Variants in LRP1B observed in about 807,000 individuals in gnomAD.
LRP1B encodes low-density lipoprotein receptor-related protein 1B.
In LRP1B, 217 loss-of-function variants were observed where a neutral mutation model predicts 556.6. That is an observed-to-expected ratio of 0.39 (90% confidence interval 0.35 to 0.44). The LOEUF (loss-of-function observed/expected upper bound fraction) is 0.44, where lower values mean the gene tolerates loss of function less well. LRP1B is among the 20% of genes least tolerant of loss of function. LRP1B has a pLI of 1.00. For missense variants in LRP1B, 5,053 were observed against 5,620.8 expected (o/e 0.90, Z 3.23); for synonymous variants, 2,047 against 1,865.8 (o/e 1.10, Z -2.50).
chr2:140,925,850 TAGC>T (rs1694868129), intron 20 of LRP1B, among the ~76,000 whole-genome samples: 2 of 152,116 alleles, frequency 1.3e-5, no homozygotes, highest in Admixed American at 6.6e-5. Flanking sequence ...TCAATTACAT[TAGC>T]ACCTTCCTTT....
chr2:141,213,637 AT>A (rs1237362788), intron 6 of LRP1B, among the ~76,000 whole-genome samples: 1 of 152,216 alleles, frequency 6.6e-6, no homozygotes, highest in African/African-American at 2.4e-5. Context: ...CATCAACACT[AT>A]AATGAAACAT....
At chr2:141,821,085 A>T (rs955139999) in intron 1 of LRP1B, among the ~76,000 whole-genome samples, 1 of 152,206 alleles carries the variant, frequency 6.6e-6, no homozygotes, top group Non-Finnish European at 1.5e-5. Context: ...GCCAAGCATC[A>T]AGGAATGTAG....
At chr2:141,886,604 C>T (rs1243510319) in intron 1 of LRP1B, among the ~76,000 whole-genome samples, 1 of 152,086 alleles carries the variant, frequency 6.6e-6, no homozygotes, top group South Asian at 2.1e-4. Context: ...GGAATTCAGG[C>T]CAATTAGGGA....
chr2:140,747,243 C>T (rs1431861583), intron 35 of LRP1B, among the ~76,000 whole-genome samples: 1 of 152,138 alleles, frequency 6.6e-6, no homozygotes, highest in Non-Finnish European at 1.5e-5. Flanking sequence ...GGAAAGAATG[C>T]TGGGAAATGT....
rs1399653108 is a variant in LRP1B at position 140,373,044 on chromosome 2, A to G, written c.10732T>C (p.Cys3578Arg). The part of the protein sequence containing the change: ...AKWKCDGHED[C>R]KYGEDEKSCE... ...CTTTTCTCATCTTCCCCATATTTGC[A>G]GTCTTCATGGCCATCACATTTCCAT... The change falls in exon 69 of 91, where the codon TGC (cysteine) becomes CGC (arginine). Residue 3578 changes from cysteine (C) to arginine (R), a missense_variant. Physicochemically the swap from Cys to Arg is radical, Grantham distance 180. Coordinates refer to ENST00000389484, the MANE Select transcript of LRP1B (RefSeq NM_018557.3). 1 of 1,613,518 alleles carries G rather than the reference A, an allele frequency of 6.2e-7. No homozygotes were observed. Among genetic ancestry groups the G allele is most frequent in the Non-Finnish European group, 8.5e-7 (1 of 1,179,662 alleles).
chr2:140,264,416 A>T (rs1390347274), intron 86 of LRP1B, among the ~76,000 whole-genome samples: 1 of 151,998 alleles, frequency 6.6e-6, no homozygotes, highest in East Asian at 1.9e-4. Context: ...TTTAGTGGGG[A>T]TGGGGTTTCA....
intron 41 of LRP1B, among the ~76,000 whole-genome samples, chr2:140,697,935 T>G (rs891788169): frequency 3.3e-5 from 5 of 152,118 alleles, no homozygotes; most frequent in Non-Finnish European, 7.4e-5. Context: ...AAATGTTATT[T>G]TATATATGTG....
Position 140,456,612 on chromosome 2 carries a change from A to G in LRP1B, c.9815-9T>C, listed in dbSNP as rs1294452898. ...GCAGAGATGTTTGGAGACTAAAGAT[A>G]AGAAAGAAACAACAACAACAAAACA... On this transcript the variant is annotated splice_polypyrimidine_tract_variant and intron_variant, in intron 61 of 90. Coordinates refer to ENST00000389484, the MANE Select transcript of LRP1B (RefSeq NM_018557.3). 2 of 1,604,716 alleles carry G rather than the reference A, an allele frequency of 1.2e-6. No homozygotes were observed. The highest frequency in any genetic ancestry group is 1.1e-5 in the South Asian group (1 of 89,628).
intron 52 of LRP1B, among the ~76,000 whole-genome samples, chr2:140,508,486 A>G (rs991734695): frequency 2.8e-4 from 43 of 152,324 alleles, no homozygotes; most frequent in African/African-American, 9.6e-4. Flanking sequence ...TAGGTAACAC[A>G]TAAGGGTTTT....
At chr2:142,107,310 T>G (rs1706779730) in intron 1 of LRP1B, among the ~76,000 whole-genome samples, 1 of 152,164 alleles carries the variant, frequency 6.6e-6, no homozygotes. Flanking sequence ...TCATAAGGGT[T>G]CTGCCCTCGT....
At chr2:142,047,078 G>A (rs1024955226) in intron 1 of LRP1B, among the ~76,000 whole-genome samples, 4 of 151,966 alleles carry the variant, frequency 2.6e-5, no homozygotes, top group Non-Finnish European at 5.9e-5. Context: ...ATCAAGCTTT[G>A]TATGGAGATG....
chr2:142,033,185 G>A (rs922992632), intron 1 of LRP1B, among the ~76,000 whole-genome samples: 1 of 151,656 alleles, frequency 6.6e-6, no homozygotes, highest in African/African-American at 2.4e-5. Flanking sequence ...CCTATAATTA[G>A]GAATTGAATT....
At chr2:141,055,616 C>T (rs933592272) in intron 9 of LRP1B, among the ~76,000 whole-genome samples, 1 of 151,746 alleles carries the variant, frequency 6.6e-6, no homozygotes, top group African/African-American at 2.4e-5. Flanking sequence ...TACAAAGATC[C>T]ACAAAAATAA....
rs1691475839 is a variant in LRP1B at position 141,690,401 on chromosome 2, ATATATATATATATATAT to A, written c.205+119861_205+119877del. 3.4e-4 allele frequency among the ~76,000 whole-genome samples: 37 copies of A among 107,524 alleles called. 1 individual carries two copies. Among genetic ancestry groups the A allele is most frequent in the South Asian group, 6.5e-4 (2 of 3,096 alleles). The allele number at this position is 107,524 out of a possible 152,430, so 70.5% of individuals were successfully genotyped here. A position where few individuals can be genotyped will look rare whatever the true frequency, so the allele number is the denominator to read the frequency against. ...GAAAAGGGATTACATCTATAAATATATATATATATATATATATATATATATATATATATATATATAAT... is the reference window on the plus strand; with the variant it reads ...GAAAAGGGATTACATCTATAAATATAATATATATATATATATATATATAAT... On this transcript the variant is annotated intron_variant, in intron 2 of 90. Coordinates refer to ENST00000389484, the MANE Select transcript of LRP1B (RefSeq NM_018557.3).
At chr2:140,260,503 TTATA>T (rs1304832801) in intron 86 of LRP1B, among the ~76,000 whole-genome samples, 1 of 151,856 alleles carries the variant, frequency 6.6e-6, no homozygotes, top group African/African-American at 2.4e-5. Context: ...ACATTTGTCA[TTATA>T]TATGTGTATA....
intron 1 of LRP1B, among the ~76,000 whole-genome samples, chr2:142,019,569 C>A (rs908655945): frequency 6.6e-6 from 1 of 152,274 alleles, no homozygotes; most frequent in Admixed American, 6.5e-5. Context: ...CCACTTCTAT[C>A]CTTCCCCATT....
chr2:140,502,420 T>C (rs1689238688), intron 54 of LRP1B, among the ~76,000 whole-genome samples: 1 of 151,944 alleles, frequency 6.6e-6, no homozygotes, highest in Admixed American at 6.6e-5. Context: ...CCATCATACA[T>C]GCTAAAAGAA....
At chr2:141,768,625 G>A (rs1442686105) in intron 2 of LRP1B, among the ~76,000 whole-genome samples, 1 of 152,028 alleles carries the variant, frequency 6.6e-6, no homozygotes, top group Non-Finnish European at 1.5e-5. Flanking sequence ...CAAACAGTTG[G>A]CTTTGTCTGC....
intron 2 of LRP1B, among the ~76,000 whole-genome samples, chr2:141,683,656 T>A (rs1234419040): frequency 6.6e-6 from 1 of 151,968 alleles, no homozygotes; most frequent in African/African-American, 2.4e-5. Context: ...AGGAAAGAAA[T>A]AAATTTAGGG....
Sources: gnomAD v4.1 joint callset for allele counts (sites outside exome capture counted in the v4.1 genomes callset) on GRCh38, gnomAD v4.1.1 for gene constraint, MANE v1.5 for transcripts, NCBI Gene and HGNC (gene_info 2026-07-23, HGNC 2026-07-21) for gene names.